The following MAPT variants were observed in gnomAD, a reference collection of about 807,000 sequenced individuals.
MAPT encodes microtubule-associated protein tau.
Under a neutral mutation model 67.9 loss-of-function variants are expected in MAPT, and 34 were observed. That is an observed-to-expected ratio of 0.50 (90% CI 0.38 to 0.67). MAPT has a LOEUF of 0.67. Ranked by LOEUF, MAPT falls within the 30% of genes least tolerant of loss-of-function variation. The pLI is 0.00. For missense variants in MAPT, 881 were observed against 1,115.2 expected (o/e 0.79, Z 2.99); for synonymous variants, 456 against 464.5 (o/e 0.98, Z 0.23).
intron 1 of MAPT, among the ~76,000 whole-genome samples, chr17:45,920,910 G>A (rs566311022): frequency 3.6e-4 from 55 of 152,310 alleles, no homozygotes; most frequent in African/African-American, 1.1e-3. Flanking sequence ...CACCTGGCAC[G>A]CCGTGTATAC....
At position 45,954,378 on chromosome 17, in the gene MAPT, T is replaced by C. The variant is rs28469157; in HGVS notation, c.-17-7943T>C. Among the ~76,000 whole-genome samples the C allele has an allele frequency of 3.8e-3, 582 of 152,270 alleles. 5 individuals carry two copies. The highest frequency in any genetic ancestry group is 0.013 in the African/African-American group (557 of 41,546). On this transcript the variant is annotated intron_variant, in intron 1 of 12. Transcript: ENST00000262410. The stretch of plus-strand genomic sequence containing the variant: ...GACTCTTGACCTTAACCTCAGCAAT[T>C]TGGGAGGCCGAGGCAGGCGGATCGC...
chr17:45,992,953 C>T (rs2074187928), intron 8 of MAPT, among the ~76,000 whole-genome samples: 1 of 152,062 alleles, frequency 6.6e-6, no homozygotes, highest in Non-Finnish European at 1.5e-5. Context: ...GCCTGCCTGC[C>T]CGAGCACTTC....
At chr17:45,966,213 A>G (rs2071063775) in intron 2 of MAPT, among the ~76,000 whole-genome samples, 1 of 152,222 alleles carries the variant, frequency 6.6e-6, no homozygotes, top group Admixed American at 6.5e-5. Flanking sequence ...AGGGAACTGG[A>G]TGTGGGGTAT....
intron 9 of MAPT, among the ~76,000 whole-genome samples, chr17:46,002,344 CAT>C (rs2075067597): frequency 6.6e-6 from 1 of 152,006 alleles, no homozygotes; most frequent in Non-Finnish European, 1.5e-5. Flanking sequence ...CGCTGGGAAA[CAT>C]AGAGGAGAAC....
chr17:45,969,664 T>TCATC (rs1257205681), intron 2 of MAPT, among the ~76,000 whole-genome samples: 1 of 133,504 alleles, frequency 7.5e-6, no homozygotes, highest in East Asian at 2.1e-4. Flanking sequence ...ATCCATCCAT[T>TCATC]CATCCATCCA....
rs188353000 is a variant in MAPT, at chr17:45,898,629, A to G, written c.-18+3943A>G. On this transcript the variant is annotated intron_variant, in intron 1 of 12. Coordinates refer to ENST00000262410, the MANE Select transcript of MAPT (RefSeq NM_001377265.1). Reference sequence around the variant, plus strand: ...GTGTGGTTTCAGTAGCTCTGTGGCTATATGTACGAACACGTGTTATTTTTC... The same window carrying G: ...GTGTGGTTTCAGTAGCTCTGTGGCTGTATGTACGAACACGTGTTATTTTTC... The G allele has an allele frequency of 6.6e-5, 10 of 152,334 alleles. No homozygotes were observed. The East Asian group carries it at 1.7e-3, about 26-fold the overall frequency. 9.4% of individuals were successfully genotyped at this position (152,334 alleles called of 1,614,324 possible). A position where few individuals can be genotyped will look rare whatever the true frequency, so the allele number is the denominator to read the frequency against.
At position 45,996,261 on chromosome 17, in the gene MAPT, G is replaced by T; in HGVS notation, c.1733-138G>T. ...TTCCCCAGGGCAGCCGTCTGCTGTA[G>T]CTGCGCTTCCAACCTGGCTTCCACC... On this transcript the variant is annotated intron_variant, in intron 8 of 12. Coordinates refer to ENST00000262410, the MANE Select transcript of MAPT (RefSeq NM_001377265.1). This position sits in a 1 kb window ranked among gnomAD's most constrained non-coding sequence, Gnocchi z 4.5. 1.1e-6 allele frequency: 1 copy of T among 895,424 alleles called. No individual in the cohort carries two copies. The allele number at this position is 895,424 out of a possible 1,614,324, so 55.5% of individuals were successfully genotyped here.
intron 1 of MAPT, among the ~76,000 whole-genome samples, chr17:45,949,953 G>A (rs2068894021): frequency 6.6e-6 from 1 of 152,202 alleles, no homozygotes; most frequent in Non-Finnish European, 1.5e-5. Flanking sequence ...TCCCCAGGGA[G>A]GTTCTCCTGA....
chr17:45,937,693 C>T (rs1000018617), intron 1 of MAPT, among the ~76,000 whole-genome samples: 2 of 151,080 alleles, frequency 1.3e-5, no homozygotes, highest in South Asian at 2.1e-4. Context: ...GGAGAGGAGG[C>T]GGCCGTCATT....
rs1197695835 is a variant in MAPT at position 45,978,382 on chromosome 17, A to G, written c.228A>G (p.Glu76=). The change falls in exon 4 of 13, where the codon GAA becomes GAG. Residue 76 remains glutamate (E), a synonymous_variant. Coordinates refer to ENST00000262410, the MANE Select transcript of MAPT (RefSeq NM_001377265.1). ...TGCTGACACATACACCAGCTGAAGAAGCAGGCATTGGAGACACCCCCAGCC... is the reference window on the plus strand; with the variant it reads ...TGCTGACACATACACCAGCTGAAGAGGCAGGCATTGGAGACACCCCCAGCC... The part of the protein sequence containing the change: ...AKSTPTAEAE[E]AGIGDTPSLE... 4 of 1,613,536 alleles carry G rather than the reference A, an allele frequency of 2.5e-6. No homozygotes were observed. The Admixed American group carries it at 5.0e-5, about 20-fold the overall frequency.
At chr17:45,933,260 G>C (rs371872672) in intron 1 of MAPT, among the ~76,000 whole-genome samples, 1 of 47,720 alleles carries the variant, frequency 2.1e-5, no homozygotes, top group Non-Finnish European at 5.0e-5. Flanking sequence ...TTTTTTTTTT[G>C]AGACAGAGTC....
chr17:45,895,060 T>A (rs2063079016), intron 1 of MAPT: 1 of 152,136 alleles, frequency 6.6e-6, no homozygotes, highest in South Asian at 2.1e-4. Context: ...TGTGTGTGTG[T>A]GTGTGTGTGT....
intron 12 of MAPT, among the ~76,000 whole-genome samples, chr17:46,019,524 G>A (rs2076390676): frequency 6.6e-6 from 1 of 151,988 alleles, no homozygotes; most frequent in Non-Finnish European, 1.5e-5. Flanking sequence ...CTGCCACTAT[G>A]CCTGGCTAAA....
At chr17:45,938,698 A>C (rs112847838) in intron 1 of MAPT, among the ~76,000 whole-genome samples, 55 of 152,072 alleles carry the variant, frequency 3.6e-4, no homozygotes, top group African/African-American at 1.2e-3. Context: ...GCTGGAGTGC[A>C]GTGGTATGAT....
chr17:45,958,393 G>A (rs549907366), intron 1 of MAPT, among the ~76,000 whole-genome samples: 1 of 152,312 alleles, frequency 6.6e-6, no homozygotes, highest in Admixed American at 6.5e-5. Context: ...CAAGTCATTA[G>A]AATAAGCACT....
chr17:45,971,791 C>A lies in MAPT; in HGVS notation c.134-68C>A. On this transcript the variant is annotated intron_variant, in intron 2 of 12. Transcript: ENST00000262410. The surrounding 1 kb of genome is among the most constrained non-coding windows in gnomAD (Gnocchi z 4.3). ...CTCCACAGGACACTGCTCCCCAGTTCCTCCTGAGAACAAAAGGGGGCGCTG... is the reference window on the plus strand; with the variant it reads ...CTCCACAGGACACTGCTCCCCAGTTACTCCTGAGAACAAAAGGGGGCGCTG... 1 of 1,117,580 alleles carries A rather than the reference C, an allele frequency of 8.9e-7. No individual in the cohort carries two copies. Among genetic ancestry groups the A allele is most frequent in the East Asian group, 2.4e-5 (1 of 42,408 alleles). 69.2% of individuals were successfully genotyped at this position (1,117,580 alleles called of 1,614,324 possible). A position where few individuals can be genotyped will look rare whatever the true frequency, so the allele number is the denominator to read the frequency against.
intron 9 of MAPT, among the ~76,000 whole-genome samples, chr17:46,000,511 G>A (rs965682315): frequency 5.3e-5 from 8 of 152,274 alleles, no homozygotes; most frequent in Admixed American, 2.0e-4. Context: ...TGTGGGAGTC[G>A]TGGGTGGCAG....
At chr17:45,970,834 A>G (rs536801037) in intron 2 of MAPT, among the ~76,000 whole-genome samples, 106 of 152,320 alleles carry the variant, frequency 7.0e-4, no homozygotes, top group African/African-American at 2.3e-3. Context: ...TCGGCTGGCC[A>G]TGGGCCTGCC....
chr17:45,947,598 G>A (rs1281192177), intron 1 of MAPT, among the ~76,000 whole-genome samples: 1 of 151,986 alleles, frequency 6.6e-6, no homozygotes, highest in African/African-American at 2.4e-5. Flanking sequence ...ATGTTGGTCA[G>A]GCTGGTCTCG....
Sources: allele counts gnomAD v4.1 joint callset (sites outside exome capture counted in the v4.1 genomes callset), GRCh38; gene constraint gnomAD v4.1.1; non-coding constraint Gnocchi (gnomAD v3.1); transcripts MANE v1.5; gene names NCBI Gene and HGNC (gene_info 2026-07-23, HGNC 2026-07-21).